Variants in STAG1 observed in about 807,000 individuals in gnomAD.
STAG1 encodes the protein cohesin subunit SA-1.
STAG1 carries 26 observed loss-of-function variants against 170.9 expected under a neutral mutation model. The observed-to-expected ratio is 0.15, with a 90% CI of 0.11 to 0.21. The LOEUF is 0.21. Ranked by LOEUF, STAG1 falls within the 10% of genes least tolerant of loss-of-function variation. STAG1 has a pLI of 1.00. For missense variants in STAG1, 964 were observed against 1,509.5 expected, an observed-to-expected ratio of 0.64 and a Z score of 5.99; for synonymous variants, 514 against 497.7, an observed-to-expected ratio of 1.03 and a Z score of -0.44.
At chr3:136,426,898 C>T (rs1273289623) in intron 16 of STAG1, among the ~76,000 whole-genome samples, 2 of 152,042 alleles carry the variant, frequency 1.3e-5, no homozygotes, top group African/African-American at 4.8e-5. Context: ...GAAACCCTGC[C>T]TCTACTAAAA....
At chr3:136,464,044 T>C (rs956806497) in intron 13 of STAG1, among the ~76,000 whole-genome samples, 2 of 151,662 alleles carry the variant, frequency 1.3e-5, no homozygotes, top group Non-Finnish European at 2.9e-5. Flanking sequence ...CGTTATGCTT[T>C]ACAAAAAAAT....
At chr3:136,356,637 C>A (rs967546866) in intron 28 of STAG1, among the ~76,000 whole-genome samples, 2 of 152,204 alleles carry the variant, frequency 1.3e-5, no homozygotes, top group Non-Finnish European at 2.9e-5. Context: ...CTGCTTCAGC[C>A]TCCTTACAGG....
intron 6 of STAG1, among the ~76,000 whole-genome samples, chr3:136,539,074 C>T (rs1935774168): frequency 6.6e-6 from 1 of 150,686 alleles, no homozygotes; most frequent in Non-Finnish European, 1.5e-5. Context: ...GCCGAGCTTG[C>T]AGTGAGCCGA....
chr3:136,636,189 A>G (rs963398298), intron 1 of STAG1, among the ~76,000 whole-genome samples: 1 of 152,092 alleles, frequency 6.6e-6, no homozygotes. Flanking sequence ...CAGAGATTGC[A>G]GTGAGCCGAG....
chr3:136,627,632 C>T (rs1176624653), intron 2 of STAG1, among the ~76,000 whole-genome samples: 1 of 152,112 alleles, frequency 6.6e-6, no homozygotes, highest in African/African-American at 2.4e-5. Context: ...ACTACATAAT[C>T]AAGTTTCTCT....
intron 23 of STAG1, among the ~76,000 whole-genome samples, chr3:136,369,936 T>C (rs1376760926): frequency 6.6e-6 from 1 of 152,182 alleles, no homozygotes; most frequent in East Asian, 1.9e-4. Flanking sequence ...ATGTTGTTTG[T>C]GGTGATGCTG....
intron 5 of STAG1, among the ~76,000 whole-genome samples, chr3:136,553,850 G>A (rs1576600610): frequency 6.6e-6 from 1 of 152,110 alleles, no homozygotes. Context: ...CCAGAAAGAA[G>A]AGAAAAAGAA....
intron 23 of STAG1, among the ~76,000 whole-genome samples, 190 bp downstream of exon 23, chr3:136,377,470 G>A (rs1368347027): frequency 2.0e-5 from 3 of 148,142 alleles, no homozygotes; most frequent in Non-Finnish European, 4.5e-5. Context: ...AGGAAAGAAT[G>A]TATATTATAT....
chr3:136,448,787 A>C (rs1428130234), intron 14 of STAG1, among the ~76,000 whole-genome samples: 2 of 152,150 alleles, frequency 1.3e-5, no homozygotes, highest in African/African-American at 4.8e-5. Context: ...AAAAATAAAA[A>C]GATTAGCCAG....
At chr3:136,678,531 A>AAT (rs918342126) in intron 1 of STAG1, among the ~76,000 whole-genome samples, 5 of 146,492 alleles carry the variant, frequency 3.4e-5, no homozygotes, top group African/African-American at 1.4e-4. Flanking sequence ...GAATTGCAAA[A>AAT]AAAAAAAAAA....
intron 1 of STAG1, among the ~76,000 whole-genome samples, chr3:136,633,962 T>TAAGAAAAAAA (rs1940442166): frequency 2.0e-5 from 1 of 50,346 alleles, no homozygotes; most frequent in Non-Finnish European, 4.2e-5. Context: ...TGTCTCTACT[T>TAAGAAAAAAA]AAAAAAAAAA....
chr3:136,543,895 AT>A (rs200749138), intron 5 of STAG1, among the ~76,000 whole-genome samples: 1 of 151,106 alleles, frequency 6.6e-6, no homozygotes, highest in Non-Finnish European at 1.5e-5. Context: ...TTGGGCATTC[AT>A]TTTTTTTTCT....
At chr3:136,520,880 A>C (rs984602059) in intron 7 of STAG1, among the ~76,000 whole-genome samples, 1 of 152,142 alleles carries the variant, frequency 6.6e-6, no homozygotes, top group African/African-American at 2.4e-5. Context: ...AAAAAATACA[A>C]TAAATTTGGA....
At chr3:136,518,127 G>A (rs1290562916) in intron 7 of STAG1, 1 of 369,706 alleles carries the variant, frequency 2.7e-6, no homozygotes, top group African/African-American at 2.1e-5. Context: ...GACACATATT[G>A]AATTCATAAC....
intron 21 of STAG1, among the ~76,000 whole-genome samples, chr3:136,400,714 T>C (rs1224175903): frequency 6.6e-6 from 1 of 152,146 alleles, no homozygotes; most frequent in East Asian, 1.9e-4. Flanking sequence ...TTTTGTATTT[T>C]TAGTAGAGAC....
At chr3:136,599,626 A>G (rs918246770) in intron 4 of STAG1, among the ~76,000 whole-genome samples, 2 of 152,180 alleles carry the variant, frequency 1.3e-5, no homozygotes, top group African/African-American at 4.8e-5. Context: ...AATCCATACC[A>G]AAGTCTTTAA....
intron 1 of STAG1, among the ~76,000 whole-genome samples, chr3:136,719,816 C>T (rs925342694): frequency 6.6e-6 from 1 of 152,056 alleles, no homozygotes; most frequent in African/African-American, 2.4e-5. Context: ...AGCAAGAATG[C>T]ACTAGAAGCA....
chr3:136,727,024 C>T (rs1379650903), intron 1 of STAG1, among the ~76,000 whole-genome samples: 4 of 152,306 alleles, frequency 2.6e-5, no homozygotes, highest in African/African-American at 9.6e-5. Context: ...AAATTTCACA[C>T]CCTCAGAGAT....
chr3:136,441,772 T>C (rs2088639666), intron 15 of STAG1, among the ~76,000 whole-genome samples: 1 of 152,110 alleles, frequency 6.6e-6, no homozygotes, highest in Admixed American at 6.6e-5. Context: ...TAGAACAGTA[T>C]CTTGCTTAAT....
Sources: allele counts gnomAD v4.1 joint callset (sites outside exome capture counted in the v4.1 genomes callset), GRCh38; gene constraint gnomAD v4.1.1; transcripts MANE v1.5; gene names NCBI Gene and HGNC (gene_info 2026-07-23, HGNC 2026-07-21).